The following NEBL variants were observed in gnomAD, a reference collection of about 807,000 sequenced individuals.
The protein encoded by NEBL is nebulette.
In NEBL, 122 loss-of-function variants were observed where a neutral mutation model predicts 140.2. The ratio of observed to expected loss-of-function variants is 0.87; its 90% CI spans 0.75 to 1.01. NEBL has a LOEUF of 1.01. NEBL is among the 50% of genes least tolerant of loss of function. The pLI, the probability that NEBL is intolerant of heterozygous loss-of-function variation, is 0.00. For synonymous variants in NEBL, 436 were observed against 398.9 expected (o/e 1.09, Z -1.11); for missense variants, 1,365 against 1,231.3 (o/e 1.11, Z -1.62).
At chr10:21,163,853 A>C in intron 2 of NEBL, among the ~76,000 whole-genome samples, 1 of 152,246 alleles carries the variant, frequency 6.6e-6, no homozygotes, top group South Asian at 2.1e-4. Flanking sequence ...GTGAAAAAGT[A>C]AACAGAAGTC....
intron 3 of NEBL, among the ~76,000 whole-genome samples, chr10:20,971,553 G>A (rs1480074298): frequency 1.4e-5 from 2 of 145,962 alleles, no homozygotes; most frequent in South Asian, 2.1e-4. Flanking sequence ...CCACTAACTC[G>A]TCATCTAGCA....
intron 2 of NEBL, among the ~76,000 whole-genome samples, chr10:21,075,431 A>G (rs1836020273): frequency 6.6e-6 from 1 of 152,160 alleles, no homozygotes; most frequent in Admixed American, 6.6e-5. Flanking sequence ...GAGGGGCTCC[A>G]CCACTATTTG....
rs555007062 is a variant in NEBL at position 21,276,840 on chromosome 10, G to A, written n.182+15990C>T. ...AAAAATTAGCCAACAGTGATGGCAG[G>A]CGCTGGTAATCCCAGCTACTTGTGA... On this transcript the variant is annotated intron_variant and non_coding_transcript_variant, in intron 1 of 8. Coordinates refer to the NEBL transcript ENST00000675702. Among the ~76,000 whole-genome samples the A allele has an allele frequency of 3.9e-5, 6 of 152,254 alleles. No individual in the cohort carries two copies. The East Asian group carries it at 9.7e-4, about 25-fold the overall frequency.
intron 1 of NEBL, among the ~76,000 whole-genome samples, chr10:21,266,530 C>A (rs995268820): frequency 1.3e-5 from 2 of 152,210 alleles, no homozygotes; most frequent in Non-Finnish European, 2.9e-5. Context: ...TCAAGGCAGG[C>A]CCCAATTCCC....
intron 4 of NEBL, among the ~76,000 whole-genome samples, chr10:20,929,777 GAA>G (rs1834092069): frequency 6.6e-6 from 1 of 152,124 alleles, no homozygotes; most frequent in South Asian, 2.1e-4. Context: ...GATGACAGAT[GAA>G]AAGTTACGAA....
intron 3 of NEBL, among the ~76,000 whole-genome samples, chr10:20,987,447 T>C (rs7893606): frequency 0.17 from 25,834 of 151,966 alleles, 3,584 homozygotes; most frequent in East Asian, 0.39. Context: ...TTCTTCACCT[T>C]TCTTTGTGCT....
Position 21,021,250 on chromosome 10 carries a change from G to A in NEBL, c.165-1049C>T, listed in dbSNP as rs150667007. Among the ~76,000 whole-genome samples, 1,247 of 151,842 alleles carry A rather than the reference G, an allele frequency of 8.2e-3. 13 individuals carry two copies. The highest frequency in any genetic ancestry group is 0.029 in the African/African-American group (1,199 of 41,370). On this transcript the variant is annotated intron_variant, in intron 2 of 6. Transcript: ENST00000417816. ...ATCTTGACTCCATTTTTTAATTGTC[G>A]GCCACATTTATCGTTTAGGTGACTA...
At chr10:20,937,122 C>A (rs1446059992) in intron 4 of NEBL, among the ~76,000 whole-genome samples, 2 of 152,186 alleles carry the variant, frequency 1.3e-5, no homozygotes, top group African/African-American at 2.4e-5. Context: ...TGAGGGCACA[C>A]AGACTTCCCC....
intron 2 of NEBL, among the ~76,000 whole-genome samples, chr10:21,109,336 C>T (rs1468898209): frequency 6.6e-6 from 1 of 152,114 alleles, no homozygotes; most frequent in East Asian, 1.9e-4. Flanking sequence ...GCCTTGCATC[C>T]TGGGGATGAA....
intron 11 of NEBL, 44 bp downstream of exon 11, chr10:20,850,351 A>T (rs1452122076): frequency 4.2e-6 from 6 of 1,425,262 alleles, no homozygotes; most frequent in Non-Finnish European, 5.9e-6. Context: ...ATGACAAAAC[A>T]TCAAATTTAC....
chr10:20,974,782 A>G (rs1294555592), intron 3 of NEBL, among the ~76,000 whole-genome samples: 1 of 152,214 alleles, frequency 6.6e-6, no homozygotes, highest in Non-Finnish European at 1.5e-5. Flanking sequence ...GCAGTCTTAA[A>G]GCACCAACTT....
chr10:21,037,606 C>T (rs560460560), intron 2 of NEBL, among the ~76,000 whole-genome samples: 221 of 152,174 alleles, frequency 1.5e-3, no homozygotes, highest in African/African-American at 5.0e-3. Context: ...ATGTTCCATA[C>T]CTTGATTGTG....
At chr10:20,867,887 C>G (rs1048963733) in intron 7 of NEBL, 3 of 151,952 alleles carry the variant, frequency 2.0e-5, no homozygotes, top group African/African-American at 7.2e-5. Flanking sequence ...ATTATTTAAT[C>G]TCTCACTACA....
chr10:21,256,635 A>T (rs1312252849), intron 1 of NEBL, among the ~76,000 whole-genome samples: 1 of 152,162 alleles, frequency 6.6e-6, no homozygotes, highest in African/African-American at 2.4e-5. Flanking sequence ...GTTCGAGACC[A>T]GCCTAGGCAA....
chr10:21,136,209 A>G (rs1400547239), intron 2 of NEBL, among the ~76,000 whole-genome samples: 1 of 152,224 alleles, frequency 6.6e-6, no homozygotes, highest in African/African-American at 2.4e-5. Context: ...CAAGTTCCTC[A>G]GTCCACTCCA....
At chr10:20,939,830 G>C (rs1206759400) in intron 4 of NEBL, among the ~76,000 whole-genome samples, 1 of 152,120 alleles carries the variant, frequency 6.6e-6, no homozygotes, top group African/African-American at 2.4e-5. Context: ...GATCAAAAGA[G>C]ACAAAGAAGG....
At chr10:21,136,000 G>C (rs924957037) in intron 2 of NEBL, among the ~76,000 whole-genome samples, 1 of 152,210 alleles carries the variant, frequency 6.6e-6, no homozygotes, top group African/African-American at 2.4e-5. Flanking sequence ...TTCTCAAAGA[G>C]AGGAAGCCCT....
intron 3 of NEBL, among the ~76,000 whole-genome samples, chr10:20,969,374 C>G (rs1470992858): frequency 1.3e-5 from 2 of 151,580 alleles, no homozygotes; most frequent in African/African-American, 4.8e-5. Context: ...TAAACTTCCA[C>G]TGCATTCCCA....
At chr10:21,116,063 G>C (rs1838270943) in intron 2 of NEBL, among the ~76,000 whole-genome samples, 1 of 151,734 alleles carries the variant, frequency 6.6e-6, no homozygotes, top group Non-Finnish European at 1.5e-5. Flanking sequence ...GAAATTTAAT[G>C]CATGTCTATT....
Sources: gnomAD v4.1 joint callset for allele counts (sites outside exome capture counted in the v4.1 genomes callset) on GRCh38, gnomAD v4.1.1 for gene constraint, MANE v1.5 for transcripts, NCBI Gene and HGNC (gene_info 2026-07-23, HGNC 2026-07-21) for gene names.